PDZD8: variants seen among roughly 807,000 people sequenced by gnomAD.
PDZD8 encodes the protein PDZ domain-containing protein 8.
Under a neutral mutation model 85.8 loss-of-function variants are expected in PDZD8, and 14 were observed. The observed-to-expected ratio is 0.16, with a 90% CI of 0.11 to 0.26. The LOEUF is 0.26. PDZD8 is among the 10% of genes least tolerant of loss of function. PDZD8 has a pLI of 1.00. For synonymous variants in PDZD8, 592 were observed against 568.6 expected (o/e 1.04, Z -0.59); for missense variants, 1,197 against 1,424.3 (o/e 0.84, Z 2.57).
Position 117,277,349 on chromosome 10 carries a change from G to A in PDZD8, c.*5919C>T, listed in dbSNP as rs1174702584. ...ACACAACTCATCCAGAACTGTCTTA[G>A]TCATACCATCCATCCCTGGTGAAAG... On this transcript the variant is annotated 3_prime_UTR_variant, in exon 5 of 5. Coordinates refer to ENST00000334464, the MANE Select transcript of PDZD8 (RefSeq NM_173791.5). 1 of 787,796 alleles carries A rather than the reference G, an allele frequency of 1.3e-6. No individual in the cohort carries two copies. The highest frequency in any genetic ancestry group is 2.0e-6 in the Non-Finnish European group (1 of 490,146). 48.8% of individuals were successfully genotyped at this position (787,796 alleles called of 1,614,324 possible). A position where few individuals can be genotyped will look rare whatever the true frequency, so the allele number is the denominator to read the frequency against.
chr10:117,320,700 G>GA (rs1204238320), intron 2 of PDZD8, among the ~76,000 whole-genome samples: 1 of 151,982 alleles, frequency 6.6e-6, no homozygotes, highest in East Asian at 1.9e-4. Context: ...CCAAAGTTAG[G>GA]AAAGTTTTAA....
rs1464891707 is a variant in PDZD8 at position 117,374,494 on chromosome 10, AAGG to A, written c.731_733del (p.Ser244del). ...GAAGTCGATCAGCGGGTCTTCCACG[AAGG>A]AGAAGAACCAGTGGGTGAAGGGCAC... On this transcript the variant is annotated inframe_deletion, in exon 1 of 5. Coordinates refer to ENST00000334464, the MANE Select transcript of PDZD8 (RefSeq NM_173791.5). The surrounding 1 kb of genome is among the most constrained non-coding windows in gnomAD (Gnocchi z 7.8). 1.2e-6 allele frequency: 2 copies of A among 1,613,722 alleles called. No individual in the cohort carries two copies. Among genetic ancestry groups the A allele is most frequent in the Non-Finnish European group, 1.7e-6 (2 of 1,179,814 alleles).
chr10:117,370,783 C>T (rs1554859423), intron 1 of PDZD8, among the ~76,000 whole-genome samples: 1 of 142,006 alleles, frequency 7.0e-6, no homozygotes, highest in Non-Finnish European at 1.5e-5. Context: ...CTAAAATGAC[C>T]AATTTAAGAA....
intron 2 of PDZD8, among the ~76,000 whole-genome samples, chr10:117,331,094 G>A (rs1043889317): frequency 6.6e-6 from 1 of 152,124 alleles, no homozygotes; most frequent in Non-Finnish European, 1.5e-5. Context: ...GTTTTTGTCT[G>A]TTAGCCCTAA....
At chr10:117,311,287 T>C (rs970245558) in intron 3 of PDZD8, among the ~76,000 whole-genome samples, 2 of 152,250 alleles carry the variant, frequency 1.3e-5, no homozygotes, top group South Asian at 2.1e-4. Context: ...TGGACTTCCT[T>C]ACCCTAAACA....
intron 1 of PDZD8, among the ~76,000 whole-genome samples, chr10:117,341,966 C>T (rs1844621202): frequency 6.6e-6 from 1 of 152,148 alleles, no homozygotes; most frequent in Non-Finnish European, 1.5e-5. Context: ...ATTTAATGCT[C>T]ACAACCCTGA....
Position 117,283,224 on chromosome 10 carries a change from G to A in PDZD8, c.*44C>T, listed in dbSNP as rs363292. On this transcript the variant is annotated 3_prime_UTR_variant, in exon 5 of 5. Transcript: ENST00000334464. ...TGGTTGTATCTGTGGTACTTTAGAT[G>A]CAACTTTACCCTGTTCATTTGAAAG... 5 of 1,521,082 alleles carry A rather than the reference G, an allele frequency of 3.3e-6. No homozygotes were observed. Among genetic ancestry groups the A allele is most frequent in the East Asian group, 4.5e-5 (2 of 44,348 alleles). The allele number at this position is 1,521,082 out of a possible 1,614,324, so 94.2% of individuals were successfully genotyped here.
At chr10:117,343,877 C>A (rs912304356) in intron 1 of PDZD8, among the ~76,000 whole-genome samples, 2 of 152,158 alleles carry the variant, frequency 1.3e-5, no homozygotes, top group Non-Finnish European at 2.9e-5. Flanking sequence ...CTCTAAGAAC[C>A]TTTGGTTTTC....
intron 1 of PDZD8, among the ~76,000 whole-genome samples, chr10:117,371,338 C>T (rs1845187970): frequency 6.6e-6 from 1 of 152,130 alleles, no homozygotes. Context: ...GCGCCCGCCA[C>T]CACGCCCAGC....
chr10:117,295,867 T>C (rs1843747164), intron 3 of PDZD8, among the ~76,000 whole-genome samples: 1 of 151,950 alleles, frequency 6.6e-6, no homozygotes, highest in African/African-American at 2.4e-5. Context: ...TCTACAAAAA[T>C]CTACAAATAA....
chr10:117,373,785 C>G (rs1047079165), intron 1 of PDZD8, among the ~76,000 whole-genome samples: 3 of 91,062 alleles, frequency 3.3e-5, no homozygotes, highest in African/African-American at 1.7e-4. Flanking sequence ...GTCTCAAAAA[C>G]AAAAACAAAA....
intron 1 of PDZD8, among the ~76,000 whole-genome samples, chr10:117,372,928 T>C (rs963540554): frequency 3.9e-5 from 6 of 152,118 alleles, no homozygotes; most frequent in African/African-American, 1.4e-4. Flanking sequence ...AAATTGACAC[T>C]GGTAGAAAAT....
intron 3 of PDZD8, among the ~76,000 whole-genome samples, chr10:117,294,641 G>A (rs901526301): frequency 8.6e-5 from 13 of 151,958 alleles, no homozygotes; most frequent in African/African-American, 2.9e-4. Flanking sequence ...AAAAATGTGC[G>A]GTATACAAAC....
At chr10:117,356,914 A>C (rs1361316614) in intron 1 of PDZD8, among the ~76,000 whole-genome samples, 2 of 152,214 alleles carry the variant, frequency 1.3e-5, no homozygotes, top group Non-Finnish European at 2.9e-5. Context: ...CTTTCAAAAA[A>C]ACTAAGGTAT....
At chr10:117,330,002 G>GGA (rs1564701888) in intron 2 of PDZD8, among the ~76,000 whole-genome samples, 8 of 43,012 alleles carry the variant, frequency 1.9e-4, no homozygotes, top group African/African-American at 5.0e-4. Flanking sequence ...GGAAGGAAGG[G>GGA]AGGGAGGGAG....
chr10:117,304,409 G>A (rs987745400), intron 3 of PDZD8, among the ~76,000 whole-genome samples: 8 of 152,090 alleles, frequency 5.3e-5, no homozygotes, highest in East Asian at 1.9e-4. Flanking sequence ...GCTCATAGGC[G>A]GAAGGGACTT....
intron 2 of PDZD8, among the ~76,000 whole-genome samples, chr10:117,324,150 C>A (rs964889289): frequency 7.3e-6 from 1 of 136,582 alleles, no homozygotes; most frequent in African/African-American, 2.8e-5. Flanking sequence ...ACTGCTTGAA[C>A]GCGGGAGGCT....
intron 1 of PDZD8, among the ~76,000 whole-genome samples, chr10:117,372,784 T>C (rs74159197): frequency 0.028 from 4,243 of 152,298 alleles, 218 homozygotes; most frequent in African/African-American, 0.099. Context: ...AAATTTCTCC[T>C]GCCACGCAAG....
chr10:117,345,148 C>T (rs1844682757), intron 1 of PDZD8, among the ~76,000 whole-genome samples: 1 of 152,168 alleles, frequency 6.6e-6, no homozygotes, highest in African/African-American at 2.4e-5. Flanking sequence ...ACAGATTCTC[C>T]CAATCTCTTC....
Sources: allele counts gnomAD v4.1 joint callset (sites outside exome capture counted in the v4.1 genomes callset), GRCh38; gene constraint gnomAD v4.1.1; non-coding constraint Gnocchi (gnomAD v3.1); transcripts MANE v1.5; gene names NCBI Gene and HGNC (gene_info 2026-07-23, HGNC 2026-07-21).